AGBL4: variants seen among roughly 807,000 people sequenced by gnomAD.
The protein encoded by AGBL4 is AGBL carboxypeptidase 4, also known as cytosolic carboxypeptidase 6.
In AGBL4, 58 loss-of-function variants were observed where a neutral mutation model predicts 66.4. That is an observed-to-expected ratio of 0.87 (90% CI 0.71 to 1.09). AGBL4 has a LOEUF of 1.09. Ranked by LOEUF, AGBL4 falls within the 50% of genes least tolerant of loss-of-function variation. The probability of loss-of-function intolerance (pLI) is 0.00; values close to 1 mark genes in which losing one functional copy is unlikely to be tolerated. For missense variants in AGBL4, 579 were observed against 631.0 expected (o/e 0.92, Z 0.88); for synonymous variants, 234 against 222.9 (o/e 1.05, Z -0.44).
intron 2 of AGBL4, among the ~76,000 whole-genome samples, chr1:49,813,956 T>C (rs916631047): frequency 6.6e-5 from 10 of 152,128 alleles, no homozygotes; most frequent in African/African-American, 2.4e-4. Context: ...TGATAGTGAA[T>C]ATGTCTCATG....
At chr1:48,564,989 T>A (rs1006679510) in intron 11 of AGBL4, among the ~76,000 whole-genome samples, 2 of 152,244 alleles carry the variant, frequency 1.3e-5, no homozygotes, top group Non-Finnish European at 2.9e-5. Context: ...ATTTTCACAG[T>A]CTGTGCTGTC....
rs549708349 is a variant in AGBL4, at chr1:49,286,416, C to A, written c.283-40552G>T. Reference sequence around the variant, plus strand: ...GTATTCAATTAGGAAAAGAGGAAGTCAAATTGTCCCTGTTTGCAGATGACA... The same window carrying A: ...GTATTCAATTAGGAAAAGAGGAAGTAAAATTGTCCCTGTTTGCAGATGACA... On this transcript the variant is annotated intron_variant, in intron 3 of 13. Coordinates refer to ENST00000371839, the MANE Select transcript of AGBL4 (RefSeq NM_032785.4). Among the ~76,000 whole-genome samples, 157 of 152,100 alleles carry A rather than the reference C, an allele frequency of 1.0e-3. 4 individuals carry two copies. The highest frequency in any genetic ancestry group is 8.8e-5 in the Non-Finnish European group (6 of 68,002).
chr1:49,443,036 T>C (rs148989138), intron 3 of AGBL4, among the ~76,000 whole-genome samples: 1 of 152,124 alleles, frequency 6.6e-6, no homozygotes, highest in Non-Finnish European at 1.5e-5. Flanking sequence ...TTAGTGATGA[T>C]CATTTATTAA....
intron 3 of AGBL4, among the ~76,000 whole-genome samples, chr1:49,322,367 T>C (rs891232929): frequency 2.0e-5 from 3 of 152,192 alleles, no homozygotes; most frequent in Non-Finnish European, 4.4e-5. Context: ...CTTCAGTGAA[T>C]GAGGATAAGA....
intron 3 of AGBL4, among the ~76,000 whole-genome samples, chr1:49,380,532 G>A (rs940191793): frequency 4.6e-5 from 7 of 152,036 alleles, no homozygotes; most frequent in African/African-American, 1.7e-4. Flanking sequence ...AGCCCGCATC[G>A]CCAAGTCAAT....
At chr1:48,722,447 T>C (rs927401113) in intron 6 of AGBL4, among the ~76,000 whole-genome samples, 1 of 151,988 alleles carries the variant, frequency 6.6e-6, no homozygotes, top group African/African-American at 2.4e-5. Context: ...CAGTGGCAGG[T>C]CAGTATGACT....
At chr1:49,853,859 TA>T (rs971113930) in intron 1 of AGBL4, among the ~76,000 whole-genome samples, 2 of 151,906 alleles carry the variant, frequency 1.3e-5, no homozygotes, top group Non-Finnish European at 2.9e-5. Flanking sequence ...AAGTACAAAC[TA>T]AAGGTATTTT....
intron 2 of AGBL4, among the ~76,000 whole-genome samples, chr1:49,775,865 A>G (rs1262464218): frequency 6.6e-6 from 1 of 152,124 alleles, no homozygotes; most frequent in Non-Finnish European, 1.5e-5. Flanking sequence ...ATTTATTATT[A>G]TAGTGGTAAA....
chr1:49,840,286 T>G (rs1274127234), intron 2 of AGBL4, among the ~76,000 whole-genome samples: 2 of 152,184 alleles, frequency 1.3e-5, no homozygotes, highest in African/African-American at 4.8e-5. Flanking sequence ...CTCTGGGGAT[T>G]TTTGTATTTC....
At chr1:48,997,396 T>C (rs975782511) in intron 5 of AGBL4, among the ~76,000 whole-genome samples, 1 of 152,184 alleles carries the variant, frequency 6.6e-6, no homozygotes, top group African/African-American at 2.4e-5. Flanking sequence ...AATTTTCAGG[T>C]AGTTGTTATC....
At chr1:49,196,029 C>G (rs1647236771) in intron 4 of AGBL4, among the ~76,000 whole-genome samples, 1 of 152,112 alleles carries the variant, frequency 6.6e-6, no homozygotes, top group African/African-American at 2.4e-5. Context: ...TCCTTGCTTC[C>G]TCTTTGCCTT....
chr1:49,373,711 G>T (rs1162700768), intron 3 of AGBL4, among the ~76,000 whole-genome samples: 1 of 152,054 alleles, frequency 6.6e-6, no homozygotes, highest in Non-Finnish European at 1.5e-5. Context: ...AGAGAAACAG[G>T]TAGATCTGGG....
intron 2 of AGBL4, among the ~76,000 whole-genome samples, chr1:49,832,042 A>T (rs1645699247): frequency 1.3e-5 from 2 of 151,816 alleles, no homozygotes; most frequent in Non-Finnish European, 2.9e-5. Context: ...CATGTGCACA[A>T]TGTGCAGGTT....
intron 6 of AGBL4, among the ~76,000 whole-genome samples, chr1:48,820,593 C>G (rs1292794367): frequency 1.3e-5 from 2 of 152,150 alleles, no homozygotes; most frequent in Non-Finnish European, 2.9e-5. Context: ...CCTCTTACCT[C>G]CCTGATTTTG....
At chr1:49,861,909 CAAG>C (rs1050309729) in intron 1 of AGBL4, among the ~76,000 whole-genome samples, 1 of 152,118 alleles carries the variant, frequency 6.6e-6, no homozygotes, top group African/African-American at 2.4e-5. Context: ...AAAGCCTTTA[CAAG>C]AAGGATGGCT....
At chr1:48,664,255 C>G (rs1204740160) in intron 6 of AGBL4, among the ~76,000 whole-genome samples, 1 of 152,134 alleles carries the variant, frequency 6.6e-6, no homozygotes, top group Non-Finnish European at 1.5e-5. Flanking sequence ...TACAGGAATC[C>G]TCTTGATTCT....
intron 6 of AGBL4, among the ~76,000 whole-genome samples, chr1:48,757,422 T>C (rs573980083): frequency 6.6e-5 from 10 of 152,352 alleles, no homozygotes; most frequent in Admixed American, 3.9e-4. Flanking sequence ...CGACTTTTCG[T>C]GTCACTGTGA....
chr1:49,207,954 T>C (rs1273538261), intron 4 of AGBL4, among the ~76,000 whole-genome samples: 1 of 152,104 alleles, frequency 6.6e-6, no homozygotes, highest in Non-Finnish European at 1.5e-5. Flanking sequence ...TATTATCCTT[T>C]ACTTCAACTC....
At chr1:49,613,884 A>C (rs1645201713) in intron 3 of AGBL4, among the ~76,000 whole-genome samples, 1 of 152,212 alleles carries the variant, frequency 6.6e-6, no homozygotes, top group Admixed American at 6.5e-5. Flanking sequence ...CCTGGTGCCA[A>C]AAAGCTTGGG....
Sources: gnomAD v4.1 joint callset for allele counts (sites outside exome capture counted in the v4.1 genomes callset) on GRCh38, gnomAD v4.1.1 for gene constraint, MANE v1.5 for transcripts, NCBI Gene and HGNC (gene_info 2026-07-23, HGNC 2026-07-21) for gene names.